RNF216: variants seen among roughly 807,000 people sequenced by gnomAD.
RNF216 encodes ring finger protein 216.
A neutral mutation model predicts 110.8 loss-of-function variants in RNF216; 72 were observed. The ratio of observed to expected loss-of-function variants is 0.65; its 90% CI spans 0.54 to 0.79. The LOEUF (loss-of-function observed/expected upper bound fraction) is 0.79. Among genes scored for constraint, RNF216 ranks in the 30% least tolerant of loss-of-function variants. RNF216 has a pLI of 0.00. For missense variants in RNF216, 1,342 were observed against 1,141.2 expected (o/e 1.18, Z -2.54); for synonymous variants, 495 against 407.5 (o/e 1.21, Z -2.59).
Position 5,752,958 on chromosome 7 carries a change from C to G in RNF216, c.89G>C (p.Gly30Ala). 6.2e-7 allele frequency: 1 copy of G among 1,610,980 alleles called. No homozygotes were observed. The highest frequency in any genetic ancestry group is 8.5e-7 in the Non-Finnish European group (1 of 1,178,732). The change falls in exon 3 of 17, where the codon GGG becomes GCG. Residue 30 changes from glycine to alanine, a missense_variant. Physicochemically the swap from Gly to Ala is moderately conservative, Grantham distance 60 (BLOSUM62 0). Coordinates refer to ENST00000389902, the MANE Select transcript of RNF216 (RefSeq NM_207111.4). ...TGAGGAGTCAGATATGGTGATGGGCCCATCTCGGAGATTGATCCACTCTAC... is the reference window on the plus strand; with the variant it reads ...TGAGGAGTCAGATATGGTGATGGGCGCATCTCGGAGATTGATCCACTCTAC... Reference protein sequence around the residue: ...RGQEWINLRDGPITISDSSDE... With the variant: ...RGQEWINLRDAPITISDSSDE...
At chr7:5,760,555 A>G (rs1206252882) in intron 2 of RNF216, 2 of 313,856 alleles carry the variant, frequency 6.4e-6, no homozygotes, top group Non-Finnish European at 1.3e-5. Context: ...CTGTAGAACA[A>G]AAAAATACAT....
intron 14 of RNF216, among the ~76,000 whole-genome samples, chr7:5,649,307 G>A (rs1223676016): frequency 6.6e-6 from 1 of 151,936 alleles, no homozygotes; most frequent in Non-Finnish European, 1.5e-5. Context: ...CAGTAGAGTC[G>A]CTTGAACCTG....
rs1213521680 is a variant in RNF216 at position 5,696,117 on chromosome 7, C to T, written c.2061+15644G>A. Among the ~76,000 whole-genome samples, 1 of 152,126 alleles carries T rather than the reference C, an allele frequency of 6.6e-6. No individual in the cohort carries two copies. Among genetic ancestry groups the T allele is most frequent in the East Asian group, 1.9e-4 (1 of 5,184 alleles). On this transcript the variant is annotated intron_variant, in intron 13 of 16. Coordinates refer to ENST00000389902, the MANE Select transcript of RNF216 (RefSeq NM_207111.4). The surrounding 1 kb of genome is among the most constrained non-coding windows in gnomAD (Gnocchi z 5.4). ...CAAGAAAGCAGCCACCAGCTCCAGACAAATCCAGCCCAAGGGGAAACACAC... is the reference window on the plus strand; with the variant it reads ...CAAGAAAGCAGCCACCAGCTCCAGATAAATCCAGCCCAAGGGGAAACACAC...
At chr7:5,642,826 C>T (rs1787819875) in intron 14 of RNF216, among the ~76,000 whole-genome samples, 1 of 152,192 alleles carries the variant, frequency 6.6e-6, no homozygotes, top group African/African-American at 2.4e-5. Context: ...AAGCTATGTG[C>T]CCAAACACAA....
chr7:5,630,758 C>A (rs1299198431), intron 15 of RNF216, among the ~76,000 whole-genome samples: 1 of 152,162 alleles, frequency 6.6e-6, no homozygotes, highest in Admixed American at 6.5e-5. Flanking sequence ...TGAGAGATTA[C>A]TATGCACCAG....
At chr7:5,671,871 G>C (rs1331014834) in intron 13 of RNF216, among the ~76,000 whole-genome samples, 1 of 148,826 alleles carries the variant, frequency 6.7e-6, no homozygotes, top group East Asian at 2.0e-4. Flanking sequence ...AAAAGACCAT[G>C]TGAGGACACA....
At chr7:5,740,049 A>G (rs1438015739) in intron 4 of RNF216, among the ~76,000 whole-genome samples, 1 of 150,756 alleles carries the variant, frequency 6.6e-6, no homozygotes, top group Non-Finnish European at 1.5e-5. Flanking sequence ...CCGCCTGGGT[A>G]AAGTAGGGTT....
intron 13 of RNF216, among the ~76,000 whole-genome samples, chr7:5,701,075 G>C (rs1456407146): frequency 4.6e-5 from 7 of 152,172 alleles, no homozygotes; most frequent in Non-Finnish European, 8.8e-5. Context: ...GCTGTGGACA[G>C]AGAGTGCAGA....
At chr7:5,647,610 C>T (rs549969316) in intron 14 of RNF216, among the ~76,000 whole-genome samples, 5 of 151,814 alleles carry the variant, frequency 3.3e-5, no homozygotes, top group Admixed American at 2.6e-4. Context: ...CTGGGATTAC[C>T]GGTGTGGCAG....
rs1786589643 is a variant in RNF216 at position 5,624,523 on chromosome 7, C to G, written c.2383-398G>C. Among the ~76,000 whole-genome samples the G allele has an allele frequency of 6.6e-6, 1 of 152,240 alleles. No individual in the cohort carries two copies. Among genetic ancestry groups the G allele is most frequent in the Non-Finnish European group, 1.5e-5 (1 of 68,046 alleles). On this transcript the variant is annotated intron_variant, in intron 15 of 16. Coordinates refer to ENST00000389902, the MANE Select transcript of RNF216 (RefSeq NM_207111.4). The surrounding 1 kb of genome is among the most constrained non-coding windows in gnomAD (Gnocchi z 4.4). ...CCAAGTCCACAAGCGCTCGGCATGGCAGCCTGTCTGCAGAGCCTGGAAAAG... is the reference window on the plus strand; with the variant it reads ...CCAAGTCCACAAGCGCTCGGCATGGGAGCCTGTCTGCAGAGCCTGGAAAAG...
Position 5,761,063 on chromosome 7 carries a change from C to G in RNF216, c.7G>C (p.Glu3Gln). The G allele has an allele frequency of 2.5e-6, 4 of 1,579,368 alleles. No individual in the cohort carries two copies. Among genetic ancestry groups the G allele is most frequent in the Non-Finnish European group, 3.4e-6 (4 of 1,168,232 alleles). The change falls in exon 2 of 17, where the codon GAG (glutamate) becomes CAG (glutamine). Residue 3 changes from glutamate to glutamine, a missense_variant. Transcript: ENST00000389902. ...ATTACCTCTTCATTGTTGTTTCCCT[C>G]TTCCATTTTCAAATGCAGACATGCA... ME[E>Q]GNNNEEVIHL... is the part of the protein sequence containing the mutation.
chr7:5,639,901 AGGC>A (rs1230017585), intron 15 of RNF216, among the ~76,000 whole-genome samples: 3 of 151,886 alleles, frequency 2.0e-5, no homozygotes, highest in Non-Finnish European at 2.9e-5. Context: ...CTGGGACTAC[AGGC>A]GCCTGCCACC....
At chr7:5,765,877 C>T (rs1221830326) in intron 1 of RNF216, among the ~76,000 whole-genome samples, 1 of 147,630 alleles carries the variant, frequency 6.8e-6, no homozygotes, top group African/African-American at 2.5e-5. Context: ...TGCTTGAACC[C>T]GGGAGGCAGA....
At chr7:5,705,204 T>C (rs769259546) in intron 13 of RNF216, among the ~76,000 whole-genome samples, 2 of 152,178 alleles carry the variant, frequency 1.3e-5, no homozygotes, top group Non-Finnish European at 2.9e-5. Flanking sequence ...ATGGAGCACC[T>C]ACTATGTGCC....
chr7:5,693,256 T>C (rs772484246), intron 13 of RNF216, among the ~76,000 whole-genome samples: 6 of 152,332 alleles, frequency 3.9e-5, no homozygotes, highest in Admixed American at 6.5e-5. Context: ...CAGAGTTAGG[T>C]AGCTGGGATA....
chr7:5,776,420 TAAA>T (rs76385326), intron 1 of RNF216, among the ~76,000 whole-genome samples: 1 of 134,834 alleles, frequency 7.4e-6, no homozygotes, highest in Admixed American at 7.5e-5. Flanking sequence ...CGTCTCTACT[TAAA>T]AAAAAAAAAA....
At chr7:5,644,383 T>A (rs987208951) in intron 14 of RNF216, among the ~76,000 whole-genome samples, 1 of 152,218 alleles carries the variant, frequency 6.6e-6, no homozygotes, top group Non-Finnish European at 1.5e-5. Context: ...CTAATAGGTG[T>A]GAAGCGGTAT....
At chr7:5,643,597 A>C (rs1787874184) in intron 14 of RNF216, among the ~76,000 whole-genome samples, 1 of 152,166 alleles carries the variant, frequency 6.6e-6, no homozygotes, top group Non-Finnish European at 1.5e-5. Flanking sequence ...TGATGGTGGC[A>C]TAAGCCATGC....
chr7:5,671,107 C>T (rs914379818), intron 13 of RNF216, among the ~76,000 whole-genome samples: 5 of 152,338 alleles, frequency 3.3e-5, no homozygotes, highest in African/African-American at 1.2e-4. Flanking sequence ...CAGGATAAAA[C>T]CTCACCAGAG....
Sources: gnomAD v4.1 joint callset for allele counts (sites outside exome capture counted in the v4.1 genomes callset) on GRCh38, gnomAD v4.1.1 for gene constraint, Gnocchi (gnomAD v3.1) non-coding constraint, MANE v1.5 for transcripts, NCBI Gene and HGNC (gene_info 2026-07-23, HGNC 2026-07-21) for gene names.